RNF121: variants seen among roughly 807,000 people sequenced by gnomAD.
RNF121 encodes the protein ring finger protein 121.
A neutral mutation model predicts 46.5 loss-of-function variants in RNF121; 21 were observed. That is an observed-to-expected ratio of 0.45 (90% CI 0.32 to 0.65). The LOEUF (loss-of-function observed/expected upper bound fraction) is 0.65, where lower values mean the gene tolerates loss of function less well. RNF121 is among the 30% of genes least tolerant of loss of function. The pLI is 0.04. For missense variants in RNF121, 346 were observed against 416.0 expected (o/e 0.83, Z 1.46); for synonymous variants, 139 against 144.7 (o/e 0.96, Z 0.28).
chr11:71,982,983 G>T, intron 4 of RNF121, 68 bp downstream of exon 4: 2 of 1,478,742 alleles, frequency 1.4e-6, no homozygotes, highest in South Asian at 1.4e-5. Context: ...CATGGGAGGA[G>T]CATAGGTTTA....
At chr11:71,988,986 A>G (rs1011395062) in intron 5 of RNF121, among the ~76,000 whole-genome samples, 77 of 152,350 alleles carry the variant, frequency 5.1e-4, no homozygotes, top group African/African-American at 1.8e-3. Flanking sequence ...GAAAACAGAT[A>G]TCTCCTGGTA....
chr11:71,948,858 C>T (rs1310950949), intron 1 of RNF121, among the ~76,000 whole-genome samples: 1 of 152,158 alleles, frequency 6.6e-6, no homozygotes, highest in Non-Finnish European at 1.5e-5. Context: ...CTTTGGACTT[C>T]ACTTGTTATC....
At chr11:71,955,483 A>G (rs1953970405) in intron 1 of RNF121, among the ~76,000 whole-genome samples, 1 of 152,154 alleles carries the variant, frequency 6.6e-6, no homozygotes, top group African/African-American at 2.4e-5. Flanking sequence ...ATGCTGGAGA[A>G]AGGCAGAGGA....
Position 71,986,989 on chromosome 11 carries a change from C to G in RNF121, c.399-15C>G. On this transcript the variant is annotated splice_polypyrimidine_tract_variant and intron_variant, in intron 4 of 8. Coordinates refer to ENST00000361756, the MANE Select transcript of RNF121 (RefSeq NM_018320.5). ...TCTCTGTGTCAGCTGCACTAACCTTCTCTCCTTTCCCCAGGTTGGTTTATA... is the reference window on the plus strand; with the variant it reads ...TCTCTGTGTCAGCTGCACTAACCTTGTCTCCTTTCCCCAGGTTGGTTTATA... 6.7e-7 allele frequency: 1 copy of G among 1,493,086 alleles called. No homozygotes were observed. Among genetic ancestry groups the G allele is most frequent in the Non-Finnish European group, 9.3e-7 (1 of 1,070,176 alleles). 92.5% of individuals were successfully genotyped at this position (1,493,086 alleles called of 1,614,324 possible). A position where few individuals can be genotyped will look rare whatever the true frequency, so the allele number is the denominator to read the frequency against.
intron 1 of RNF121, among the ~76,000 whole-genome samples, chr11:71,953,520 T>C (rs1210134807): frequency 6.6e-6 from 1 of 152,258 alleles, no homozygotes; most frequent in African/African-American, 2.4e-5. Context: ...CAGTATCTTA[T>C]TAAAATTCAG....
Position 71,934,938 on chromosome 11 carries a change from A to ACTTTTTT in RNF121, c.63+5814_63+5815insCTTTTTT, listed in dbSNP as rs780793577. Reference sequence around the variant, plus strand: ...GTCCTGTGCCAAGTGTTCCAAATGCATTCTTTTTTTTTTTTTTTTTTTTTA... The same window carrying ACTTTTTT: ...GTCCTGTGCCAAGTGTTCCAAATGCACTTTTTTTTCTTTTTTTTTTTTTTTTTTTTTA... On this transcript the variant is annotated intron_variant, in intron 1 of 8. Transcript: ENST00000361756. Among the ~76,000 whole-genome samples, 23 of 145,100 alleles carry ACTTTTTT rather than the reference A, an allele frequency of 1.6e-4. 11 individuals are homozygous for ACTTTTTT. Among genetic ancestry groups the ACTTTTTT allele is most frequent in the Non-Finnish European group, 1.2e-4 (8 of 67,046 alleles).
intron 6 of RNF121, among the ~76,000 whole-genome samples, chr11:71,993,610 C>T (rs1459063347): frequency 6.6e-6 from 1 of 152,102 alleles, no homozygotes; most frequent in African/African-American, 2.4e-5. Flanking sequence ...TGGATAGGCA[C>T]TTGAGTTGTT....
intron 3 of RNF121, among the ~76,000 whole-genome samples, chr11:71,977,205 G>A (rs57198333): frequency 0.026 from 4,005 of 152,264 alleles, 170 homozygotes; most frequent in African/African-American, 0.092. Context: ...AGGTATGGTG[G>A]GAGGGTGATC....
chr11:71,996,428 C>G lies in RNF121; in HGVS notation c.*113C>G. On this transcript the variant is annotated 3_prime_UTR_variant, in exon 9 of 9. Transcript: ENST00000361756. Reference sequence around the variant, plus strand: ...GAAAGACTCAAAGGGGTGCTTGGGCCACTCAGGACCCCTCTGGCTGTGTCG... The same window carrying G: ...GAAAGACTCAAAGGGGTGCTTGGGCGACTCAGGACCCCTCTGGCTGTGTCG... 1 of 1,298,208 alleles carries G rather than the reference C, an allele frequency of 7.7e-7. No homozygotes were observed. Among genetic ancestry groups the G allele is most frequent in the Non-Finnish European group, 1.1e-6 (1 of 948,432 alleles). 80.4% of individuals were successfully genotyped at this position (1,298,208 alleles called of 1,614,324 possible). A position where few individuals can be genotyped will look rare whatever the true frequency, so the allele number is the denominator to read the frequency against.
rs187143014 is a variant in RNF121 at position 71,955,777 on chromosome 11, T to C, written c.64-1450T>C. On this transcript the variant is annotated intron_variant, in intron 1 of 8. Transcript: ENST00000361756. ...CTGTGCATGGATTGTTATTTAGAAA[T>C]GTGATTCATAATTGCCTGCTCAGGT... is the stretch of plus-strand genomic sequence containing the variant. Among the ~76,000 whole-genome samples, 39 of 152,230 alleles carry C rather than the reference T, an allele frequency of 2.6e-4. No homozygotes were observed. In the Middle Eastern group the frequency reaches 0.01, roughly 40 times the overall value.
At chr11:71,978,226 A>C (rs1954572790) in intron 3 of RNF121, 1 of 451,628 alleles carries the variant, frequency 2.2e-6, no homozygotes, top group African/African-American at 2.0e-5. Context: ...AAACCAAATA[A>C]AGAAACCAGG....
intron 5 of RNF121, among the ~76,000 whole-genome samples, chr11:71,988,638 C>CT (rs1163329328): frequency 0.016 from 515 of 32,144 alleles, 5 homozygotes; most frequent in Non-Finnish European, 0.04. Context: ...ACTCTCAACT[C>CT]TTAAAAAAAA....
intron 2 of RNF121, among the ~76,000 whole-genome samples, chr11:71,960,050 G>C (rs1398598757): frequency 6.6e-6 from 1 of 152,180 alleles, no homozygotes; most frequent in Non-Finnish European, 1.5e-5. Flanking sequence ...CTTGCTGCCA[G>C]TCTTTAAGAC....
intron 1 of RNF121, among the ~76,000 whole-genome samples, chr11:71,953,645 T>C (rs976270347): frequency 9.9e-5 from 15 of 152,152 alleles, no homozygotes; most frequent in African/African-American, 3.4e-4. Flanking sequence ...TAGAGGATGT[T>C]TGTTCTTCAA....
At chr11:71,968,885 TTTC>T (rs1954352500) in intron 3 of RNF121, among the ~76,000 whole-genome samples, 2 of 57,274 alleles carry the variant, frequency 3.5e-5, no homozygotes, top group South Asian at 1.3e-3. Context: ...TTTTTCTTTC[TTTC>T]TTTTTTTTTT....
intron 3 of RNF121, among the ~76,000 whole-genome samples, chr11:71,967,172 A>G (rs1954297336): frequency 1.3e-5 from 2 of 150,960 alleles, no homozygotes; most frequent in Admixed American, 1.3e-4. Context: ...CGCCCGGCCA[A>G]TATTTGTGTT....
At chr11:71,966,750 A>G (rs1165119997) in intron 3 of RNF121, among the ~76,000 whole-genome samples, 1 of 151,952 alleles carries the variant, frequency 6.6e-6, no homozygotes, top group Non-Finnish European at 1.5e-5. Flanking sequence ...TAGCTTCCCA[A>G]AGTGTTGGGA....
intron 2 of RNF121, among the ~76,000 whole-genome samples, chr11:71,959,684 G>A (rs981742988): frequency 2.1e-5 from 3 of 146,000 alleles, no homozygotes; most frequent in South Asian, 2.2e-4. Context: ...CGCCCAGGAC[G>A]GAGTGCAGTG....
chr11:71,983,753 C>G (rs981316884), intron 4 of RNF121: 1 of 152,262 alleles, frequency 6.6e-6, no homozygotes, highest in Non-Finnish European at 1.5e-5. Flanking sequence ...CAAGAAAGCT[C>G]CTGTTGCAGT....
Sources: allele counts gnomAD v4.1 joint callset (sites outside exome capture counted in the v4.1 genomes callset), GRCh38; gene constraint gnomAD v4.1.1; transcripts MANE v1.5; gene names NCBI Gene and HGNC (gene_info 2026-07-23, HGNC 2026-07-21).